Variants in PNLDC1 observed in about 807,000 individuals in gnomAD.
The protein encoded by PNLDC1 is poly(A)-specific ribonuclease PNLDC1.
PNLDC1 carries 70 observed loss-of-function variants against 82.0 expected under a neutral mutation model. The ratio of observed to expected loss-of-function variants is 0.85; its 90% CI spans 0.70 to 1.04. PNLDC1 has a LOEUF of 1.04. Among genes scored for constraint, PNLDC1 ranks in the 50% least tolerant of loss-of-function variants. The pLI is 0.00. For missense variants in PNLDC1, 631 were observed against 661.1 expected (o/e 0.95, Z 0.50); for synonymous variants, 280 against 249.3 (o/e 1.12, Z -1.16).
At chr6:159,812,458 G>C (rs900801448) in intron 11 of PNLDC1, among the ~76,000 whole-genome samples, 3 of 13,052 alleles carry the variant, frequency 2.3e-4, no homozygotes, top group Non-Finnish European at 1.6e-4. Context: ...CAGAGCACTG[G>C]GGGGGAGGGG....
chr6:159,814,611 A>G (rs906801442), intron 12 of PNLDC1, among the ~76,000 whole-genome samples: 1 of 152,144 alleles, frequency 6.6e-6, no homozygotes, highest in Non-Finnish European at 1.5e-5. Context: ...GGTACCAGGC[A>G]TGATACTGAG....
intron 1 of PNLDC1, 149 bp downstream of exon 1, chr6:159,800,532 C>T (rs372702166): frequency 6.1e-6 from 8 of 1,302,422 alleles, no homozygotes; most frequent in South Asian, 5.6e-5. Context: ...AGCCCCGGGG[C>T]GGTGGGACTT....
At chr6:159,815,837 T>G in intron 12 of PNLDC1, 132 bp from the exon 13 acceptor site, 1 of 668,878 alleles carries the variant, frequency 1.5e-6, no homozygotes, top group East Asian at 2.9e-5. Flanking sequence ...CTGTCCATGC[T>G]TAGATTTGCA....
At chr6:159,801,233 T>C in intron 3 of PNLDC1, 47 bp downstream of exon 3, 1 of 1,543,926 alleles carries the variant, frequency 6.5e-7, no homozygotes, top group Non-Finnish European at 9.0e-7. Context: ...GGTATTTTTA[T>C]TGTCCTTGGA....
At position 159,804,572 on chromosome 6, in the gene PNLDC1, T is replaced by A; in HGVS notation, c.396T>A (p.Tyr132Ter). 6.2e-7 allele frequency: 1 copy of A among 1,607,358 alleles called. No individual in the cohort carries two copies. ...YNKFLKNGIP[Y>*]MNEEQEKKIR... ...AGTTTCTCAAAAACGGAATCCCATA[T>A]ATGAATGAAGAACAGGAGAAGAAAA... Residue 132 changes from tyrosine to a stop codon, truncating the protein, a stop_gained, in exon 6 of 19, where the codon TAT (tyrosine) becomes TAA (stop). Coordinates refer to ENST00000392167, the MANE Select transcript of PNLDC1 (RefSeq NM_001271862.2). LOFTEE classifies it high-confidence loss of function.
chr6:159,816,529 G>A lies in PNLDC1; in HGVS notation c.1061-14G>A, dbSNP rs1312220664. The A allele has an allele frequency of 2.5e-6, 4 of 1,613,462 alleles. No individual in the cohort carries two copies. Among genetic ancestry groups the A allele is most frequent in the Non-Finnish European group, 3.4e-6 (4 of 1,179,540 alleles). On this transcript the variant is annotated splice_polypyrimidine_tract_variant and intron_variant, in intron 13 of 18. Coordinates refer to ENST00000392167, the MANE Select transcript of PNLDC1 (RefSeq NM_001271862.2). ...CTGCTCAATTCTCTGTCCTCCTGGT[G>A]GAAAATGCCTCAGTTGAGACAAAGT...
At position 159,819,145 on chromosome 6, in the gene PNLDC1, C is replaced by T; in HGVS notation, c.1433+24C>T. ...GAGTAGGTGCCTCTAAGTCCGCGTC[C>T]CCCACCCCTCGTGCGTTCATCCCTG... On this transcript the variant is annotated intron_variant, in intron 17 of 18. Transcript: ENST00000392167. The surrounding 1 kb of genome is among the most constrained non-coding windows in gnomAD (Gnocchi z 4.6). The T allele has an allele frequency of 1.2e-6, 2 of 1,611,962 alleles. No homozygotes were observed. Among genetic ancestry groups the T allele is most frequent in the South Asian group, 1.1e-5 (1 of 91,018 alleles).
Position 159,809,050 on chromosome 6 carries a change from G to C in PNLDC1, c.675G>C (p.Trp225Cys). The change falls in exon 9 of 19, where the codon TGG (tryptophan) becomes TGC (cysteine). Residue 225 changes from tryptophan to cysteine, a missense_variant. By Grantham distance (215) the Trp-to-Cys change is radical. Coordinates refer to ENST00000392167, the MANE Select transcript of PNLDC1 (RefSeq NM_001271862.2). ...AGAAAGTGAGTAAACAACATCGTTG[G>C]TATCTTCAGAACACCTCTTGTGACC... ...VVKKVSKQHRWYLQNTSCDRE... is the reference protein window; with the variant it reads ...VVKKVSKQHRCYLQNTSCDRE... 1 of 1,613,724 alleles carries C rather than the reference G, an allele frequency of 6.2e-7. No individual in the cohort carries two copies. Among genetic ancestry groups the C allele is most frequent in the Non-Finnish European group, 8.5e-7 (1 of 1,179,938 alleles).
chr6:159,803,264 C>T lies in PNLDC1; in HGVS notation c.209-7C>T, dbSNP rs1339596378. On this transcript the variant is annotated splice_polypyrimidine_tract_variant and splice_region_variant and intron_variant, in intron 3 of 18. Transcript: ENST00000392167. ...GGCATTCATTCCCTCTACGGTCATT[C>T]TTCCAGGATTGTCTGTGTTTTCCGC... 2 of 1,613,972 alleles carry T rather than the reference C, an allele frequency of 1.2e-6. No homozygotes were observed. The highest frequency in any genetic ancestry group is 1.7e-6 in the Non-Finnish European group (2 of 1,179,886).
chr6:159,810,209 G>T, intron 10 of PNLDC1, 114 bp downstream of exon 10: 1 of 908,562 alleles, frequency 1.1e-6, no homozygotes, highest in East Asian at 2.5e-5. Flanking sequence ...CCTCCCCAGT[G>T]TCTGCAGGTT....
intron 13 of PNLDC1, 73 bp downstream of exon 13, chr6:159,816,106 AC>A: frequency 3.5e-6 from 3 of 867,072 alleles, no homozygotes; most frequent in Non-Finnish European, 4.4e-6. Flanking sequence ...CTTGTCCTTG[AC>A]CCTGGTTCCC....
chr6:159,799,978 T>C (rs898053855), upstream of PNLDC1, among the ~76,000 whole-genome samples: 8 of 152,202 alleles, frequency 5.3e-5, no homozygotes, highest in African/African-American at 1.9e-4. Flanking sequence ...CTGGACTCTG[T>C]CTTCGTCTCC....
At chr6:159,811,245 G>A (rs1322889154) in intron 10 of PNLDC1, among the ~76,000 whole-genome samples, 2 of 152,122 alleles carry the variant, frequency 1.3e-5, no homozygotes, top group East Asian at 3.9e-4. Context: ...ACCTCTTTAG[G>A]TGCAGGTATA....
In PNLDC1 at chr6:159,803,251, C is replaced by T. The variant is rs1341726643; in HGVS notation, c.209-20C>T. 6 of 1,613,586 alleles carry T rather than the reference C, an allele frequency of 3.7e-6. No individual in the cohort carries two copies. The highest frequency in any genetic ancestry group is 1.3e-5 in the African/African-American group (1 of 74,878). ...GTTGCTTTTCCTTGGCATTCATTCC[C>T]TCTACGGTCATTCTTCCAGGATTGT... On this transcript the variant is annotated intron_variant, in intron 3 of 18. Coordinates refer to ENST00000392167, the MANE Select transcript of PNLDC1 (RefSeq NM_001271862.2).
rs1051551122 is a variant in PNLDC1 at position 159,804,078 on chromosome 6, A to G, written c.362A>G (p.Asn121Ser). The change falls in exon 5 of 19, where the codon AAC becomes AGC. Residue 121 changes from asparagine to serine, a missense_variant. Coordinates refer to ENST00000392167, the MANE Select transcript of PNLDC1 (RefSeq NM_001271862.2). ...CAGTTTTTGAATCAGTATGGCTTCA[A>G]CTATAACAAGGTATGGCATTGGAGG... is the stretch of plus-strand genomic sequence containing the variant. The part of the protein sequence containing the change: ...SVQFLNQYGF[N>S]YNKFLKNGIP... The G allele has an allele frequency of 7.4e-6, 12 of 1,613,582 alleles. No homozygotes were observed. Among genetic ancestry groups the G allele is most frequent in the South Asian group, 4.4e-5 (4 of 90,922 alleles).
intron 10 of PNLDC1, 23 bp downstream of exon 10, chr6:159,810,118 T>A: frequency 6.2e-7 from 1 of 1,602,318 alleles, no homozygotes; most frequent in Non-Finnish European, 8.6e-7. Flanking sequence ...CTGTCATTTC[T>A]CTTCCTTCAC....
intron 6 of PNLDC1, 138 bp downstream of exon 6, chr6:159,804,775 C>T: frequency 1.6e-6 from 1 of 622,346 alleles, no homozygotes; most frequent in South Asian, 2.1e-5. Context: ...GCCTGTGCAG[C>T]TGGCGCTGCT....
At position 159,813,662 on chromosome 6, in the gene PNLDC1, G is replaced by A; in HGVS notation, c.995+6G>A. On this transcript the variant is annotated splice_donor_region_variant and intron_variant, in intron 12 of 18. Transcript: ENST00000392167. Reference sequence around the variant, plus strand: ...GTCTATGAAGTCCTGAACAGGTGAGGACGGCGATTCCTGGAGCTACTGCTG... The same window carrying A: ...GTCTATGAAGTCCTGAACAGGTGAGAACGGCGATTCCTGGAGCTACTGCTG... 6.2e-7 allele frequency: 1 copy of A among 1,613,502 alleles called. No homozygotes were observed. The highest frequency in any genetic ancestry group is 8.5e-7 in the Non-Finnish European group (1 of 1,179,398).
In PNLDC1 at chr6:159,819,885, G is replaced by C. The variant is rs573387712; in HGVS notation, c.1532+533G>C. Among the ~76,000 whole-genome samples the C allele has an allele frequency of 6.6e-6, 1 of 152,114 alleles. No homozygotes were observed. Among genetic ancestry groups the C allele is most frequent in the Non-Finnish European group, 1.5e-5 (1 of 68,010 alleles). On this transcript the variant is annotated intron_variant, in intron 18 of 18. Coordinates refer to ENST00000392167, the MANE Select transcript of PNLDC1 (RefSeq NM_001271862.2). The surrounding 1 kb of genome is among the most constrained non-coding windows in gnomAD (Gnocchi z 4.6). ...GAGAAGGAACCAGTGCCCCCCAGCT[G>C]GGGGCCACCCAGGGAGGACGTGGGC...
Sources: gnomAD v4.1 joint callset for allele counts (sites outside exome capture counted in the v4.1 genomes callset) on GRCh38, gnomAD v4.1.1 for gene constraint, Gnocchi (gnomAD v3.1) non-coding constraint, MANE v1.5 for transcripts, NCBI Gene and HGNC (gene_info 2026-07-23, HGNC 2026-07-21) for gene names.